CATSPER2: variants seen among roughly 807,000 people sequenced by gnomAD.
CATSPER2 encodes the protein cation channel sperm-associated protein 2.
Under a neutral mutation model 68.8 loss-of-function variants are expected in CATSPER2, and 56 were observed. That is an observed-to-expected ratio of 0.81 (90% CI 0.66 to 1.02). The LOEUF (loss-of-function observed/expected upper bound fraction) is 1.02, where lower values mean the gene tolerates loss of function less well. CATSPER2 is among the 50% of genes least tolerant of loss of function. The pLI is 0.00. For synonymous variants in CATSPER2, 198 were observed against 229.9 expected (o/e 0.86, Z 1.26); for missense variants, 582 against 642.0 (o/e 0.91, Z 1.01).
intron 10 of CATSPER2, chr15:43,634,093 C>T (rs1390698954): frequency 1.2e-4 from 18 of 151,960 alleles, no homozygotes; most frequent in Admixed American, 3.9e-4. Flanking sequence ...TTAATATATT[C>T]ACTGCTTATT....
At position 43,630,013 on chromosome 15, in the gene CATSPER2, C is replaced by G. The variant is rs2085848094; in HGVS notation, c.*688G>C. On this transcript the variant is annotated 3_prime_UTR_variant, in exon 13 of 13. Coordinates refer to ENST00000396879, the MANE Select transcript of CATSPER2 (RefSeq NM_172095.4). ...GACTCTAATCAGGCAGTAGAGGTTG[C>G]AGGAAGGGTGGAAGCTATAATGATA... The G allele has an allele frequency of 6.6e-6, 1 of 152,044 alleles. No individual in the cohort carries two copies. 9.4% of individuals were successfully genotyped at this position (152,044 alleles called of 1,614,324 possible).
chr15:43,632,788 G>T lies in CATSPER2; in HGVS notation c.1325C>A (p.Ser442Tyr). 1 of 1,613,758 alleles carries T rather than the reference G, an allele frequency of 6.2e-7. No individual in the cohort carries two copies. The highest frequency in any genetic ancestry group is 8.5e-7 in the Non-Finnish European group (1 of 1,179,834). ...ETLSKKREYQSSSCVSSTSSS... is the reference protein window; with the variant it reads ...ETLSKKREYQYSSCVSSTSSS... ...GGATGTGGAGGAGACACAGGAGGAAGACTGGTACTCTCTCTTTTTTGACAA... is the reference window on the plus strand; with the variant it reads ...GGATGTGGAGGAGACACAGGAGGAATACTGGTACTCTCTCTTTTTTGACAA... Residue 442 changes from serine to tyrosine, a missense_variant, in exon 11 of 13, where the codon TCT becomes TAT. Ser to Tyr is a moderately radical substitution (Grantham distance 144). Coordinates refer to ENST00000396879, the MANE Select transcript of CATSPER2 (RefSeq NM_172095.4).
intron 2 of CATSPER2, 138 bp downstream of exon 2, chr15:43,647,779 T>A: frequency 1.0e-6 from 1 of 980,960 alleles, no homozygotes; most frequent in Non-Finnish European, 1.6e-6. Flanking sequence ...TTCTATCTCT[T>A]CAGTTTTATT....
rs1403323582 is a variant in CATSPER2, at chr15:43,636,040, C to G, written c.1021+1G>C. 4 of 1,541,538 alleles carry G rather than the reference C, an allele frequency of 2.6e-6. No individual in the cohort carries two copies. The African/African-American group carries it at 5.5e-5, about 21-fold the overall frequency. On this transcript the variant is annotated splice_donor_variant, in intron 8 of 12. Coordinates refer to ENST00000396879, the MANE Select transcript of CATSPER2 (RefSeq NM_172095.4). LOFTEE classifies it high-confidence loss of function. ...ACAAGTTTCACCTCCTCTATGCTTACCCATCATGGCTACTATGATACTTCG... is the reference window on the plus strand; with the variant it reads ...ACAAGTTTCACCTCCTCTATGCTTAGCCATCATGGCTACTATGATACTTCG...
chr15:43,648,719 A>T lies in CATSPER2; in HGVS notation c.-93T>A. On this transcript the variant is annotated 5_prime_UTR_variant, in exon 1 of 13. Transcript: ENST00000396879. ...CCGAGCCTGGCTACCCCTATGCAAGACGAGCTCAGGGCCGGCTCCCAGCCT... is the reference window on the plus strand; with the variant it reads ...CCGAGCCTGGCTACCCCTATGCAAGTCGAGCTCAGGGCCGGCTCCCAGCCT... 1 of 1,498,028 alleles carries T rather than the reference A, an allele frequency of 6.7e-7. No homozygotes were observed. The highest frequency in any genetic ancestry group is 2.6e-5 in the East Asian group (1 of 38,560). 92.8% of individuals were successfully genotyped at this position (1,498,028 alleles called of 1,614,324 possible).
At chr15:43,646,956 A>T in intron 4 of CATSPER2, 94 bp downstream of exon 4, 1 of 1,060,496 alleles carries the variant, frequency 9.4e-7, no homozygotes, top group Non-Finnish European at 1.5e-6. Flanking sequence ...AGCTCCGGCA[A>T]TCCACACGCC....
chr15:43,648,012 G>A lies in CATSPER2; in HGVS notation c.50C>T (p.Ala17Val). The A allele has an allele frequency of 6.2e-7, 1 of 1,613,630 alleles. No homozygotes were observed. Among genetic ancestry groups the A allele is most frequent in the Non-Finnish European group, 8.5e-7 (1 of 1,179,706 alleles). ...EEQMQLPRAD[A>V]IRSRLIDTFS... ...AGTATCGATGAGACGTGAACGAATG[G>A]CATCAGCTCGGGGAAGCTGCATCTG... The change falls in exon 2 of 13, where the codon GCC (alanine) becomes GTC (valine). Residue 17 changes from alanine (A) to valine (V), a missense_variant. This residue lies in a region of CATSPER2 where 197 missense variants were observed against 191.0 expected (regional missense o/e 1.03). Coordinates refer to ENST00000396879, the MANE Select transcript of CATSPER2 (RefSeq NM_172095.4).
intron 4 of CATSPER2, among the ~76,000 whole-genome samples, chr15:43,645,576 C>T (rs1054237891): frequency 1.3e-5 from 2 of 151,628 alleles, no homozygotes; most frequent in African/African-American, 4.8e-5. Flanking sequence ...CTTTTGAGCC[C>T]AGGAGTTCAA....
At chr15:43,644,036 T>A (rs550641199) in intron 4 of CATSPER2, among the ~76,000 whole-genome samples, 2 of 152,134 alleles carry the variant, frequency 1.3e-5, no homozygotes, top group African/African-American at 4.8e-5. Context: ...TTCTGACAAA[T>A]GCTTGCAAAT....
chr15:43,648,029 C>A lies in CATSPER2; in HGVS notation c.33G>T (p.Gln11His). 1 of 1,613,670 alleles carries A rather than the reference C, an allele frequency of 6.2e-7. No individual in the cohort carries two copies. Among genetic ancestry groups the A allele is most frequent in the Non-Finnish European group, 8.5e-7 (1 of 1,179,736 alleles). ...AACGAATGGCATCAGCTCGGGGAAG[C>A]TGCATCTGCTCTTCTTGTTGGTAAG... is the stretch of plus-strand genomic sequence containing the variant. MAAYQQEEQMQLPRADAIRSR... is the reference protein window; with the variant it reads MAAYQQEEQMHLPRADAIRSR... The change falls in exon 2 of 13, where the codon CAG (glutamine) becomes CAT (histidine). Residue 11 changes from glutamine to histidine, a missense_variant. Gln to His is a conservative substitution (Grantham distance 24). Coordinates refer to ENST00000396879, the MANE Select transcript of CATSPER2 (RefSeq NM_172095.4).
At chr15:43,639,299 C>T (rs2086027675) in intron 6 of CATSPER2, 5 of 467,430 alleles carry the variant, frequency 1.1e-5, no homozygotes, top group African/African-American at 2.0e-5. Flanking sequence ...GGCTAGAGTG[C>T]AGTGGCGCAG....
At chr15:43,646,982 G>A in intron 4 of CATSPER2, 68 bp downstream of exon 4, 1 of 1,372,474 alleles carries the variant, frequency 7.3e-7, no homozygotes, top group Non-Finnish European at 1.0e-6. Flanking sequence ...CTCCCAAAGT[G>A]CTAGGATTAC....
At chr15:43,631,707 G>T (rs2085875292) in intron 12 of CATSPER2, among the ~76,000 whole-genome samples, 1 of 151,912 alleles carries the variant, frequency 6.6e-6, no homozygotes, top group Non-Finnish European at 1.5e-5. Context: ...CAGAAGTTTA[G>T]AATTCATAAA....
At chr15:43,633,261 T>A in intron 10 of CATSPER2, 1 of 386,330 alleles carries the variant, frequency 2.6e-6, no homozygotes, top group Non-Finnish European at 4.9e-6. Flanking sequence ...TCCCAACTGA[T>A]CTCTCTACTC....
intron 5 of CATSPER2, 95 bp downstream of exon 5, chr15:43,640,229 T>G: frequency 6.3e-7 from 1 of 1,585,860 alleles, no homozygotes; most frequent in Non-Finnish European, 8.6e-7. Flanking sequence ...AAGTAAATTT[T>G]TGTTTCTTCC....
rs1253953144 is a variant in CATSPER2 at position 43,648,832 on chromosome 15, C to G, written c.-206G>C. On this transcript the variant is annotated 5_prime_UTR_variant, in exon 1 of 13. It removes an upstream start codon present in the reference 5' UTR. Transcript: ENST00000396879. ...CTAGCCCCTACCCACAGCCCAGGAC[C>G]ATGCGGAGCAACGCTCGCCCAGCCA... is the stretch of plus-strand genomic sequence containing the variant. 1 of 1,531,464 alleles carries G rather than the reference C, an allele frequency of 6.5e-7. No individual in the cohort carries two copies. Among genetic ancestry groups the G allele is most frequent in the Admixed American group, 2.0e-5 (1 of 50,554 alleles). The allele number at this position is 1,531,464 out of a possible 1,614,324, so 94.9% of individuals were successfully genotyped here.
intron 10 of CATSPER2, chr15:43,634,057 TATC>T (rs1399773172): frequency 1.3e-5 from 2 of 151,998 alleles, no homozygotes; most frequent in Admixed American, 6.6e-5. Flanking sequence ...CCATAATGCT[TATC>T]ATATTTTAAC....
intron 4 of CATSPER2, among the ~76,000 whole-genome samples, chr15:43,641,394 TGAGCCACCACACCTG>T (rs1240151325): frequency 1.3e-5 from 2 of 151,960 alleles, no homozygotes; most frequent in Non-Finnish European, 2.9e-5. Context: ...ATTATAGGCG[TGAGCCACCACACCTG>T]GCCGAAACCT....
At chr15:43,639,963 C>A in intron 5 of CATSPER2, 165 bp from the exon 6 acceptor site, 7 of 1,500,570 alleles carry the variant, frequency 4.7e-6, no homozygotes, top group East Asian at 2.5e-5. Context: ...GTTGCTTAAA[C>A]ACTATACTTA....
Sources: gnomAD v4.1 joint callset for allele counts (sites outside exome capture counted in the v4.1 genomes callset) on GRCh38, gnomAD v4.1.1 for gene constraint, gnomAD v4.1.1 regional missense constraint, MANE v1.5 for transcripts, NCBI Gene and HGNC (gene_info 2026-07-23, HGNC 2026-07-21) for gene names.